Variants in SLC35D4 observed in about 807,000 individuals in gnomAD.
SLC35D4 encodes solute carrier family 35 member D4.
At chr18:23,425,592 G>A in the SLC35D4 span, among the ~76,000 whole-genome samples, 2 of 152,208 alleles carry the variant, frequency 1.3e-5, no homozygotes, top group African/African-American at 4.8e-5. Flanking sequence ...GAGAGCTGCA[G>A]CTCACCACTT....
the SLC35D4 span, among the ~76,000 whole-genome samples, chr18:23,431,679 AC>A: frequency 6.6e-6 from 1 of 152,050 alleles, no homozygotes; most frequent in Non-Finnish European, 1.5e-5. Flanking sequence ...TTAGCATGTT[AC>A]GGACTTTTTT....
the SLC35D4 span, among the ~76,000 whole-genome samples, chr18:23,355,755 A>T: frequency 3.9e-5 from 6 of 152,158 alleles, no homozygotes; most frequent in African/African-American, 1.4e-4. Flanking sequence ...TTCACGATCT[A>T]TTGACATTGT....
At chr18:23,361,205 T>A in the SLC35D4 span, among the ~76,000 whole-genome samples, 4 of 150,390 alleles carry the variant, frequency 2.7e-5, no homozygotes, top group Non-Finnish European at 5.9e-5. Context: ...TCAGAAAGTA[T>A]GAACAGATTC....
chr18:23,371,959 G>A, the SLC35D4 span, among the ~76,000 whole-genome samples: 1 of 1,124 alleles, frequency 8.9e-4, no homozygotes, highest in Non-Finnish European at 3.6e-3. Context: ...TTTTTGAGAC[G>A]GAGTCTCGCT....
the SLC35D4 span, among the ~76,000 whole-genome samples, chr18:23,366,267 G>A: frequency 3.3e-5 from 5 of 152,104 alleles, no homozygotes; most frequent in African/African-American, 9.7e-5. Flanking sequence ...ATCTCCCATC[G>A]TCCTCTCTGA....
At chr18:23,422,690 C>T in the SLC35D4 span, among the ~76,000 whole-genome samples, 1 of 152,088 alleles carries the variant, frequency 6.6e-6, no homozygotes, top group African/African-American at 2.4e-5. Context: ...ATTCTTCCTG[C>T]TGCCACAGGC....
At chr18:23,268,799 TGTGC>T in the SLC35D4 span, among the ~76,000 whole-genome samples, 5 of 140,702 alleles carry the variant, frequency 3.6e-5, no homozygotes, top group African/African-American at 1.4e-4. Context: ...TGCGTGTGTG[TGTGC>T]GTGTGTGTGT....
chr18:23,408,991 C>T, the SLC35D4 span, among the ~76,000 whole-genome samples: 1 of 151,682 alleles, frequency 6.6e-6, no homozygotes, highest in Admixed American at 6.6e-5. Flanking sequence ...AAAAATTAGC[C>T]GGGCATGGTG....
the SLC35D4 span, among the ~76,000 whole-genome samples, chr18:23,256,765 G>A: frequency 1.3e-5 from 2 of 152,182 alleles, no homozygotes; most frequent in East Asian, 1.9e-4. Flanking sequence ...GATGACAGGC[G>A]TGAGCCACCA....
chr18:23,352,975 A>G, the SLC35D4 span, among the ~76,000 whole-genome samples: 1 of 152,180 alleles, frequency 6.6e-6, no homozygotes, highest in African/African-American at 2.4e-5. Flanking sequence ...TGCTGCAACT[A>G]TTTCCAAAAG....
the SLC35D4 span, among the ~76,000 whole-genome samples, chr18:23,392,793 C>A: frequency 6.6e-6 from 1 of 152,154 alleles, no homozygotes; most frequent in Non-Finnish European, 1.5e-5. Flanking sequence ...TTCAGTTAAA[C>A]TAAATATGCA....
At chr18:23,364,642 C>T in the SLC35D4 span, among the ~76,000 whole-genome samples, 2 of 152,062 alleles carry the variant, frequency 1.3e-5, no homozygotes, top group Admixed American at 6.6e-5. Context: ...CAGTGGCTCA[C>T]GCCTGTAATC....
chr18:23,341,962 A>G, the SLC35D4 span, among the ~76,000 whole-genome samples: 1 of 149,946 alleles, frequency 6.7e-6, no homozygotes, highest in African/African-American at 2.5e-5. Context: ...ACTTGAAACT[A>G]GTTGTCAAAT....
the SLC35D4 span, among the ~76,000 whole-genome samples, chr18:23,323,317 C>A: frequency 6.6e-6 from 1 of 152,110 alleles, no homozygotes; most frequent in Non-Finnish European, 1.5e-5. Flanking sequence ...ATAGATCTGC[C>A]AAAAGAGAAA....
chr18:23,375,367 G>A, the SLC35D4 span, among the ~76,000 whole-genome samples: 12 of 152,080 alleles, frequency 7.9e-5, no homozygotes, highest in African/African-American at 1.2e-4. Context: ...GAAAAAATAA[G>A]AGCAAGAATA....
chr18:23,266,895 G>A, the SLC35D4 span, among the ~76,000 whole-genome samples: 10,943 of 152,316 alleles, frequency 0.072, 539 homozygotes, highest in African/African-American at 0.15. Flanking sequence ...CTCCCTCGCC[G>A]AAGCTCAGGG....
chr18:23,396,523 G>A, the SLC35D4 span, among the ~76,000 whole-genome samples: 7 of 152,132 alleles, frequency 4.6e-5, no homozygotes, highest in African/African-American at 1.4e-4. Flanking sequence ...TCTGCTTTCC[G>A]CCCTCCTCCC....
At chr18:23,285,958 C>A in the SLC35D4 span, among the ~76,000 whole-genome samples, 7 of 152,282 alleles carry the variant, frequency 4.6e-5, no homozygotes, top group Non-Finnish European at 8.8e-5. Context: ...AAAAATCCAG[C>A]CCCGTTCATG....
At chr18:23,271,325 T>C in the SLC35D4 span, among the ~76,000 whole-genome samples, 1 of 152,216 alleles carries the variant, frequency 6.6e-6, no homozygotes, top group African/African-American at 2.4e-5. Flanking sequence ...TTACCTAGTC[T>C]TGGGTATTTT....
Sources: allele counts gnomAD v4.1 joint callset (sites outside exome capture counted in the v4.1 genomes callset), GRCh38; gene constraint gnomAD v4.1.1; transcripts MANE v1.5; gene names NCBI Gene and HGNC (gene_info 2026-07-23, HGNC 2026-07-21).